RBFOX1: variants seen among roughly 807,000 people sequenced by gnomAD.
RBFOX1 encodes the protein RNA binding fox-1 homolog 1, also known as RNA binding protein fox-1 homolog 1.
In RBFOX1, 8 loss-of-function variants were observed where a neutral mutation model predicts 57.7. The observed-to-expected ratio is 0.14, with a 90% CI of 0.08 to 0.25. The LOEUF is 0.25. Among genes scored for constraint, RBFOX1 ranks in the 10% least tolerant of loss-of-function variants. The pLI is 1.00. For missense variants in RBFOX1, 611 were observed against 548.5 expected (o/e 1.11, Z -1.14); for synonymous variants, 326 against 222.4 (o/e 1.47, Z -4.15).
chr16:7,174,520 C>A (rs538873515), intron 4 of RBFOX1, among the ~76,000 whole-genome samples: 2 of 152,306 alleles, frequency 1.3e-5, no homozygotes, highest in South Asian at 4.1e-4. Context: ...GTGGCTCACA[C>A]CTGCAATCCC....
chr16:6,426,082 C>G (rs1412672475), intron 2 of RBFOX1, among the ~76,000 whole-genome samples: 6 of 131,078 alleles, frequency 4.6e-5, no homozygotes, highest in African/African-American at 2.0e-4. Flanking sequence ...GTCTCATTTT[C>G]TCCCTCTCTC....
chr16:7,019,073 T>G (rs75619264), intron 3 of RBFOX1, among the ~76,000 whole-genome samples: 3,368 of 152,198 alleles, frequency 0.022, 129 homozygotes, highest in African/African-American at 0.076. Context: ...AGTGTGTGTG[T>G]GTGAGTGTGT....
intron 4 of RBFOX1, among the ~76,000 whole-genome samples, chr16:7,150,203 G>T (rs1483711386): frequency 1.3e-5 from 2 of 152,230 alleles, no homozygotes; most frequent in East Asian, 3.9e-4. Context: ...CAAAAAATAT[G>T]TTTTATTTAC....
rs561984203 is a variant in RBFOX1, at chr16:6,268,852, C to A, written c.-126-48143C>A. 1.0e-3 allele frequency among the ~76,000 whole-genome samples: 158 copies of A among 152,248 alleles called. 1 individual carries two copies. The highest frequency in any genetic ancestry group is 5.0e-3 in the South Asian group (24 of 4,832). The stretch of plus-strand genomic sequence containing the variant: ...ACAGAGAACAAACAAAATGCCTAAA[C>A]AGAAGTGCAGTCTTCCCGCAGTATC... On this transcript the variant is annotated intron_variant, in intron 1 of 15. Coordinates refer to ENST00000550418, the MANE Select transcript of RBFOX1 (RefSeq NM_018723.4).
chr16:5,986,335 A>G (rs1168265080), intron 4 of RBFOX1, among the ~76,000 whole-genome samples: 3 of 152,332 alleles, frequency 2.0e-5, no homozygotes, highest in East Asian at 3.9e-4. Flanking sequence ...TAGTGCTGGG[A>G]TTACAGGCGT....
intron 3 of RBFOX1, among the ~76,000 whole-genome samples, chr16:5,607,190 C>T (rs182937899): frequency 3.9e-5 from 6 of 152,166 alleles, no homozygotes; most frequent in Non-Finnish European, 7.3e-5. Context: ...CCTTCTACAG[C>T]GTCTGCTCGG....
At chr16:5,790,005 C>T (rs1037990863) in intron 3 of RBFOX1, among the ~76,000 whole-genome samples, 10 of 152,186 alleles carry the variant, frequency 6.6e-5, no homozygotes, top group Non-Finnish European at 1.5e-4. Flanking sequence ...TTATTTCTCT[C>T]CCATGTGATG....
intron 3 of RBFOX1, among the ~76,000 whole-genome samples, chr16:5,728,569 C>T (rs572529924): frequency 6.6e-5 from 10 of 152,148 alleles, no homozygotes; most frequent in East Asian, 1.9e-4. Flanking sequence ...TAGGGAAAGG[C>T]GGGAACACCA....
chr16:7,329,446 G>T (rs1045515181), intron 4 of RBFOX1, among the ~76,000 whole-genome samples: 2 of 152,190 alleles, frequency 1.3e-5, no homozygotes, highest in Admixed American at 1.3e-4. Context: ...ACATAGTGTC[G>T]ACCTTCTAGA....
intron 4 of RBFOX1, among the ~76,000 whole-genome samples, chr16:7,219,718 G>A (rs1317040): frequency 0.28 from 42,012 of 152,076 alleles, 7,457 homozygotes; most frequent in East Asian, 0.66. Flanking sequence ...CAGGAAGCAG[G>A]GAATCTTTAA....
chr16:6,143,503 T>C (rs938671529), intron 1 of RBFOX1, among the ~76,000 whole-genome samples: 1 of 152,222 alleles, frequency 6.6e-6, no homozygotes, highest in Admixed American at 6.5e-5. Context: ...AATGTTTCTA[T>C]AGACTTGCTG....
intron 2 of RBFOX1, among the ~76,000 whole-genome samples, chr16:6,552,505 C>T (rs1361748933): frequency 6.6e-6 from 1 of 152,106 alleles, no homozygotes; most frequent in Admixed American, 6.6e-5. Flanking sequence ...CAGATGTTTG[C>T]CTGGTCTATG....
At chr16:7,683,075 C>T (rs1165815038) in intron 14 of RBFOX1, among the ~76,000 whole-genome samples, 3 of 89,936 alleles carry the variant, frequency 3.3e-5, no homozygotes, top group African/African-American at 1.4e-4. Context: ...TGTATATTCT[C>T]CAAAAAATTA....
At chr16:7,023,564 T>TAA (rs34056673) in intron 3 of RBFOX1, among the ~76,000 whole-genome samples, 847 of 43,908 alleles carry the variant, frequency 0.019, 66 homozygotes, top group African/African-American at 0.055. Context: ...TCGTCTGTAC[T>TAA]AAAAAAAAAA....
In RBFOX1 at chr16:7,151,421, A is replaced by T. The variant is rs2127065; in HGVS notation, c.27+99323A>T. Among the ~76,000 whole-genome samples, 257 of 151,996 alleles carry T rather than the reference A, an allele frequency of 1.7e-3. 3 individuals carry two copies. Among genetic ancestry groups the T allele is most frequent in the African/African-American group, 5.7e-3 (237 of 41,448 alleles). The stretch of plus-strand genomic sequence containing the variant: ...CAGGGCAGGGTAAAGGGGTTAAACT[A>T]ATGTCACTAATGTCTTTACTTGTTC... On this transcript the variant is annotated intron_variant, in intron 4 of 15. Transcript: ENST00000550418.
intron 2 of RBFOX1, among the ~76,000 whole-genome samples, chr16:6,481,353 A>G (rs527521488): frequency 6.6e-6 from 1 of 152,334 alleles, no homozygotes; most frequent in South Asian, 2.1e-4. Context: ...AGCAATTTAT[A>G]TCAATAACCA....
At chr16:5,778,609 C>G (rs920476850) in intron 3 of RBFOX1, among the ~76,000 whole-genome samples, 1 of 152,196 alleles carries the variant, frequency 6.6e-6, no homozygotes, top group African/African-American at 2.4e-5. Flanking sequence ...TGCCTCTCCC[C>G]TGTACCAAGT....
At chr16:6,205,360 G>C (rs2097247947) in intron 1 of RBFOX1, among the ~76,000 whole-genome samples, 1 of 152,198 alleles carries the variant, frequency 6.6e-6, no homozygotes, top group Non-Finnish European at 1.5e-5. Context: ...CTGCATCAAA[G>C]CTGATAAGTC....
chr16:6,770,494 A>G (rs970098576), intron 3 of RBFOX1, among the ~76,000 whole-genome samples: 4 of 152,330 alleles, frequency 2.6e-5, no homozygotes, highest in Non-Finnish European at 4.4e-5. Flanking sequence ...AGAGCTCAAT[A>G]TTAGGATAGC....
Sources: gnomAD v4.1 joint callset for allele counts (sites outside exome capture counted in the v4.1 genomes callset) on GRCh38, gnomAD v4.1.1 for gene constraint, MANE v1.5 for transcripts, NCBI Gene and HGNC (gene_info 2026-07-23, HGNC 2026-07-21) for gene names.